The following CFAP69 variants were observed in gnomAD, a reference collection of about 807,000 sequenced individuals.
CFAP69 encodes the protein cilia- and flagella-associated protein 69.
In CFAP69, 92 loss-of-function variants were observed where a neutral mutation model predicts 123.0. The observed-to-expected ratio is 0.75, with a 90% CI of 0.63 to 0.89. The LOEUF (loss-of-function observed/expected upper bound fraction) is 0.89. CFAP69 is among the 40% of genes least tolerant of loss of function. The pLI is 0.00. For missense variants in CFAP69, 1,067 were observed against 1,096.9 expected, an observed-to-expected ratio of 0.97 and a Z score of 0.39; for synonymous variants, 380 against 364.3, an observed-to-expected ratio of 1.04 and a Z score of -0.49.
rs112722600 is a variant in CFAP69 at position 90,273,046 on chromosome 7, G to A, written c.861-941G>A. On this transcript the variant is annotated intron_variant, in intron 8 of 22. Transcript: ENST00000389297. ...TATAAAAAGGGCAAGTAGGTCCCAG[G>A]AGGCAAAGCAACAAATATCTACTAT... is the stretch of plus-strand genomic sequence containing the variant. Among the ~76,000 whole-genome samples, 61 of 152,278 alleles carry A rather than the reference G, an allele frequency of 4.0e-4. 1 individual carries two copies. The highest frequency in any genetic ancestry group is 1.4e-3 in the African/African-American group (60 of 41,554).
At chr7:90,298,950 G>A (rs755387527) in intron 16 of CFAP69, among the ~76,000 whole-genome samples, 6 of 152,126 alleles carry the variant, frequency 3.9e-5, no homozygotes, top group Non-Finnish European at 8.8e-5. Flanking sequence ...ATTTCCTTGA[G>A]TGTTTTGCTT....
At chr7:90,287,637 C>A (rs757113704) in intron 14 of CFAP69, 14 of 985,354 alleles carry the variant, frequency 1.4e-5, no homozygotes, top group Non-Finnish European at 1.7e-5. Context: ...TAGCTCCAAG[C>A]TTTGATGCAA....
intron 8 of CFAP69, among the ~76,000 whole-genome samples, chr7:90,272,825 G>C (rs1449047216): frequency 1.3e-5 from 2 of 151,908 alleles, no homozygotes; most frequent in African/African-American, 2.4e-5. Context: ...TATCCTGAAG[G>C]CTCAGAGAAA....
intron 12 of CFAP69, among the ~76,000 whole-genome samples, chr7:90,280,900 G>A (rs1168249801): frequency 6.6e-6 from 1 of 152,132 alleles, no homozygotes; most frequent in African/African-American, 2.4e-5. Flanking sequence ...TTATTCTCTA[G>A]TTTCTAATAT....
At position 90,277,202 on chromosome 7, in the gene CFAP69, T is replaced by C; in HGVS notation, c.1034-11T>C. On this transcript the variant is annotated splice_polypyrimidine_tract_variant and intron_variant, in intron 10 of 22. Coordinates refer to ENST00000389297, the MANE Select transcript of CFAP69 (RefSeq NM_001039706.3). ...CATTTAAGCTTTCATTTTACTTTTTTTCCCTCACAGTTAAAAGTCAAAATC... is the reference window on the plus strand; with the variant it reads ...CATTTAAGCTTTCATTTTACTTTTTCTCCCTCACAGTTAAAAGTCAAAATC... 1 of 1,582,798 alleles carries C rather than the reference T, an allele frequency of 6.3e-7. No individual in the cohort carries two copies. The highest frequency in any genetic ancestry group is 8.6e-7 in the Non-Finnish European group (1 of 1,169,278).
intron 1 of CFAP69, among the ~76,000 whole-genome samples, chr7:90,252,832 A>G (rs7787503): frequency 0.11 from 16,235 of 152,158 alleles, 2,350 homozygotes; most frequent in East Asian, 0.61. Flanking sequence ...AAATTTCTTG[A>G]GATCAGAATA....
chr7:90,286,981 G>A (rs1392097500), intron 14 of CFAP69, among the ~76,000 whole-genome samples: 1 of 151,240 alleles, frequency 6.6e-6, no homozygotes, highest in Non-Finnish European at 1.5e-5. Flanking sequence ...TCAGTTACTC[G>A]GGAGGCTGAG....
chr7:90,315,204 CAA>C (rs1794690245), downstream of CFAP69, among the ~76,000 whole-genome samples: 1 of 152,092 alleles, frequency 6.6e-6, no homozygotes, highest in Admixed American at 6.5e-5. Context: ...GGCAATTCCT[CAA>C]AGAGCTAAAA....
chr7:90,288,405 T>G, intron 15 of CFAP69, 53 bp downstream of exon 15: 1 of 1,562,116 alleles, frequency 6.4e-7, no homozygotes, highest in African/African-American at 1.4e-5. Context: ...ATGCATCACT[T>G]TACAACAGTG....
chr7:90,323,512 A>G, the CFAP69 span, among the ~76,000 whole-genome samples: 1 of 152,224 alleles, frequency 6.6e-6, no homozygotes, highest in Admixed American at 6.5e-5. Flanking sequence ...TATGTATGGT[A>G]AAATTTCTCA....
the CFAP69 span, chr7:90,317,965 A>G: frequency 2.0e-5 from 3 of 152,288 alleles, no homozygotes; most frequent in South Asian, 6.2e-4. Flanking sequence ...TGTCCTGGAA[A>G]AGGCTGGACC....
chr7:90,290,915 C>A (rs1172924926), intron 15 of CFAP69, among the ~76,000 whole-genome samples: 1 of 151,916 alleles, frequency 6.6e-6, no homozygotes, highest in African/African-American at 2.4e-5. Flanking sequence ...GTATCTGTTG[C>A]AACCACCAGT....
intron 17 of CFAP69, chr7:90,302,894 A>C (rs1336470146): frequency 6.6e-6 from 1 of 152,192 alleles, no homozygotes. Flanking sequence ...TTGAATCTGT[A>C]AATTGCTTTG....
chr7:90,276,034 G>A (rs1379433685), intron 9 of CFAP69: 4 of 152,020 alleles, frequency 2.6e-5, no homozygotes, highest in African/African-American at 9.7e-5. Flanking sequence ...AATTTCTCTC[G>A]GAGCTACTAC....
chr7:90,264,104 A>ATATAT (rs1316608213), intron 4 of CFAP69, among the ~76,000 whole-genome samples: 2 of 48,866 alleles, frequency 4.1e-5, no homozygotes, highest in Admixed American at 2.8e-4. Context: ...AAAAAAAAAA[A>ATATAT]ATATATATAT....
chr7:90,279,606 A>G, intron 11 of CFAP69, 71 bp from the exon 12 acceptor site: 1 of 915,000 alleles, frequency 1.1e-6, no homozygotes, highest in Non-Finnish European at 1.6e-6. Flanking sequence ...CAAAATGTAA[A>G]TTTTTATTTA....
At position 90,262,046 on chromosome 7, in the gene CFAP69, A is replaced by G; in HGVS notation, c.346A>G (p.Lys116Glu). ...RFIESAYDII[K>E]LCGLPFLKKK... ...TATAGAATCTGCATATGATATCATA[A>G]AACTGTGTGGGTAAGTTATCTTTCT... Residue 116 changes from lysine to glutamate, a missense_variant, in exon 4 of 23, where the codon AAA becomes GAA. By Grantham distance (56) the Lys-to-Glu change is moderately conservative. Transcript: ENST00000389297. 1 of 1,575,004 alleles carries G rather than the reference A, an allele frequency of 6.3e-7. No homozygotes were observed. Among genetic ancestry groups the G allele is most frequent in the Non-Finnish European group, 8.6e-7 (1 of 1,158,696 alleles).
At chr7:90,304,554 A>T in intron 18 of CFAP69, 190 bp from the exon 19 acceptor site, 2 of 1,368,140 alleles carry the variant, frequency 1.5e-6, no homozygotes, top group Non-Finnish European at 1.9e-6. Context: ...GTGTTATAGA[A>T]AGAAGCCTAC....
intron 1 of CFAP69, among the ~76,000 whole-genome samples, chr7:90,254,775 C>T (rs367554532): frequency 1.1e-4 from 16 of 152,150 alleles, no homozygotes; most frequent in African/African-American, 2.9e-4. Context: ...ATAGTTTAGA[C>T]GGGTCATGTT....
Sources: allele counts gnomAD v4.1 joint callset (sites outside exome capture counted in the v4.1 genomes callset), GRCh38; gene constraint gnomAD v4.1.1; transcripts MANE v1.5; gene names NCBI Gene and HGNC (gene_info 2026-07-23, HGNC 2026-07-21).